Variants in ANGPTL5 observed in about 807,000 individuals in gnomAD.
ANGPTL5 encodes the protein angiopoietin like 5, also known as angiopoietin-related protein 5.
ANGPTL5 carries 34 observed loss-of-function variants against 39.4 expected under a neutral mutation model. The ratio of observed to expected loss-of-function variants is 0.86; its 90% CI spans 0.66 to 1.15. The LOEUF (loss-of-function observed/expected upper bound fraction) is 1.15. ANGPTL5 is among the 50% of genes most tolerant of loss of function. The pLI is 0.00. For synonymous variants in ANGPTL5, 146 were observed against 152.1 expected (o/e 0.96, Z 0.29); for missense variants, 467 against 457.5 (o/e 1.02, Z -0.19).
At chr11:101,904,747 A>T in intron 5 of ANGPTL5, 67 bp downstream of exon 5, 3 of 1,374,124 alleles carry the variant, frequency 2.2e-6, no homozygotes, top group Admixed American at 1.7e-5. Context: ...AAATGGATCG[A>T]CCTGTCCAGG....
At chr11:101,903,488 C>T (rs1480960790) in intron 5 of ANGPTL5, among the ~76,000 whole-genome samples, 1 of 152,130 alleles carries the variant, frequency 6.6e-6, no homozygotes, top group Non-Finnish European at 1.5e-5. Flanking sequence ...ACTCCTAACA[C>T]TTTACTTCAT....
At chr11:101,899,637 C>T (rs1014867022) in intron 7 of ANGPTL5, among the ~76,000 whole-genome samples, 5 of 152,250 alleles carry the variant, frequency 3.3e-5, no homozygotes, top group African/African-American at 1.2e-4. Flanking sequence ...TACTCCAGAG[C>T]ATGGCAGTTA....
rs59041644 is a variant in ANGPTL5 at position 101,908,780 on chromosome 11, C to CAAAAAAAAAAAAA, written c.-92-792_-92-780dup. Among the ~76,000 whole-genome samples the CAAAAAAAAAAAAA allele has an allele frequency of 1.1e-4, 7 of 64,986 alleles. No individual in the cohort carries two copies. In the East Asian group the frequency reaches 3.4e-3, roughly 32 times the overall value. The allele number at this position is 64,986 out of a possible 152,430, so 42.6% of individuals were successfully genotyped here. A position where few individuals can be genotyped will look rare whatever the true frequency, so the allele number is the denominator to read the frequency against. On this transcript the variant is annotated intron_variant, in intron 1 of 8. Transcript: ENST00000334289. ...TGGGCGAAAGAGTGAGACTCCATCT[C>CAAAAAAAAAAAAA]AAAAAAAAAAAAAAAAAAAATTGCA...
intron 6 of ANGPTL5, among the ~76,000 whole-genome samples, chr11:101,900,808 T>C (rs965944342): frequency 1.1e-4 from 17 of 152,104 alleles, no homozygotes; most frequent in Admixed American, 1.0e-3. Flanking sequence ...TTAATCACAG[T>C]CCTTATAACA....
At chr11:101,910,425 ATATAT>A (rs1422370495) in intron 1 of ANGPTL5, among the ~76,000 whole-genome samples, 3 of 99,768 alleles carry the variant, frequency 3.0e-5, no homozygotes, top group East Asian at 6.8e-4. Context: ...AAAAAAAAAA[ATATAT>A]ATATATATAT....
chr11:101,903,531 T>C (rs930187543), intron 5 of ANGPTL5, among the ~76,000 whole-genome samples: 6 of 152,136 alleles, frequency 3.9e-5, no homozygotes, highest in Non-Finnish European at 7.4e-5. Flanking sequence ...TAGTAAGGTA[T>C]TACATAAAGC....
chr11:101,909,435 A>G (rs1332554099), intron 1 of ANGPTL5, among the ~76,000 whole-genome samples: 2 of 152,258 alleles, frequency 1.3e-5, no homozygotes. Context: ...AAATTGTTGT[A>G]TGGATTAAAA....
At chr11:101,893,805 T>C (rs981887392) in intron 8 of ANGPTL5, among the ~76,000 whole-genome samples, 1 of 152,206 alleles carries the variant, frequency 6.6e-6, no homozygotes, top group Non-Finnish European at 1.5e-5. Flanking sequence ...TCAGGTATCA[T>C]AGATTCCAAC....
chr11:101,893,752 T>C (rs948120016), intron 8 of ANGPTL5, among the ~76,000 whole-genome samples: 1 of 152,186 alleles, frequency 6.6e-6, no homozygotes, highest in Admixed American at 6.5e-5. Flanking sequence ...TAGATCATGA[T>C]TGGAATTTCA....
At chr11:101,904,380 G>A (rs911925982) in intron 5 of ANGPTL5, among the ~76,000 whole-genome samples, 17 of 152,126 alleles carry the variant, frequency 1.1e-4, no homozygotes, top group African/African-American at 3.1e-4. Context: ...CTAACTTTCA[G>A]TTTATTCTTG....
intron 5 of ANGPTL5, among the ~76,000 whole-genome samples, chr11:101,904,120 A>G (rs1256218894): frequency 6.6e-6 from 1 of 152,160 alleles, no homozygotes; most frequent in Non-Finnish European, 1.5e-5. Context: ...GAGATATAAT[A>G]AAATAATTTT....
intron 1 of ANGPTL5, among the ~76,000 whole-genome samples, chr11:101,913,576 G>A (rs548803359): frequency 2.4e-4 from 37 of 151,962 alleles, no homozygotes; most frequent in East Asian, 1.4e-3. Flanking sequence ...TTAAGTTAAC[G>A]TAAGAAAGGA....
intron 7 of ANGPTL5, among the ~76,000 whole-genome samples, chr11:101,895,715 C>G (rs1565338231): frequency 6.6e-6 from 1 of 152,164 alleles, no homozygotes; most frequent in Admixed American, 6.6e-5. Flanking sequence ...ATATAAAACT[C>G]CCCAACTCGG....
In ANGPTL5 at chr11:101,891,364, C is replaced by T. The variant is rs754381808; in HGVS notation, c.1082G>A (p.Gly361Asp). The change falls in exon 9 of 9, where the codon GGC becomes GAC. Residue 361 changes from glycine to aspartate, a missense_variant. Gly to Asp is a moderately conservative substitution (Grantham distance 94). Coordinates refer to ENST00000334289, the MANE Select transcript of ANGPTL5 (RefSeq NM_178127.5). ...GKLLATGIQW[G>D]TWTKNNSPVK... ...AGGTGAGTTGTTTTTGGTCCACGTG[C>T]CCCATTGAATTCCAGTTGCAAGCAA... 29 of 1,613,818 alleles carry T rather than the reference C, an allele frequency of 1.8e-5. No individual in the cohort carries two copies. In the South Asian group the frequency reaches 3.0e-4, roughly 16 times the overall value.
At chr11:101,899,521 G>A (rs2137055252) in intron 7 of ANGPTL5, among the ~76,000 whole-genome samples, 1 of 152,328 alleles carries the variant, frequency 6.6e-6, no homozygotes, top group East Asian at 1.9e-4. Context: ...TTTGAAGTAA[G>A]GAAGATGGCA....
At chr11:101,911,236 T>A (rs1940088036) in intron 1 of ANGPTL5, among the ~76,000 whole-genome samples, 1 of 148,864 alleles carries the variant, frequency 6.7e-6, no homozygotes. Flanking sequence ...CGATTCTCCT[T>A]CCTCCGCCTC....
intron 7 of ANGPTL5, among the ~76,000 whole-genome samples, chr11:101,897,503 T>C (rs1355677676): frequency 6.6e-6 from 1 of 152,244 alleles, no homozygotes; most frequent in African/African-American, 2.4e-5. Context: ...TACGTTTAAA[T>C]CTTTAATCTA....
At position 101,900,444 on chromosome 11, in the gene ANGPTL5, A is replaced by G; in HGVS notation, c.647T>C (p.Phe216Ser). Residue 216 changes from phenylalanine (F) to serine (S), a missense_variant, in exon 7 of 9, where the codon TTT (phenylalanine) becomes TCT (serine). Physicochemically the swap from Phe to Ser is radical, Grantham distance 155. Transcript: ENST00000334289. ...AAAAAATTAACCTAGAAGATCTCCA[A>G]ATCCATCCAGATAATCACACCACAA... ...QRLWCDYLDG[F>S]GDLLGEFWLG... 1.2e-6 allele frequency: 2 copies of G among 1,613,448 alleles called. No individual in the cohort carries two copies. The highest frequency in any genetic ancestry group is 1.1e-5 in the South Asian group (1 of 91,070).
At chr11:101,898,419 GA>G (rs1939836987) in intron 7 of ANGPTL5, among the ~76,000 whole-genome samples, 1 of 152,138 alleles carries the variant, frequency 6.6e-6, no homozygotes, top group South Asian at 2.1e-4. Flanking sequence ...TAGCAATTGT[GA>G]ATGGGAGTTG....
Sources: allele counts gnomAD v4.1 joint callset (sites outside exome capture counted in the v4.1 genomes callset), GRCh38; gene constraint gnomAD v4.1.1; transcripts MANE v1.5; gene names NCBI Gene and HGNC (gene_info 2026-07-23, HGNC 2026-07-21).